MEOX1: variants seen among roughly 807,000 people sequenced by gnomAD.
MEOX1 encodes the protein homeobox protein MOX-1.
Under a neutral mutation model 23.2 loss-of-function variants are expected in MEOX1, and 17 were observed. The ratio of observed to expected loss-of-function variants is 0.73; its 90% CI spans 0.50 to 1.10. The LOEUF is 1.10. Among genes scored for constraint, MEOX1 ranks in the 50% least tolerant of loss-of-function variants. The probability of loss-of-function intolerance (pLI) is 0.00; values close to 1 mark genes in which losing one functional copy is unlikely to be tolerated. For synonymous variants in MEOX1, 134 were observed against 135.1 expected (o/e 0.99, Z 0.06); for missense variants, 333 against 332.2 (o/e 1.00, Z -0.02).
chr17:43,656,159 C>G, intron 1 of MEOX1, among the ~76,000 whole-genome samples: 1 of 152,114 alleles, frequency 6.6e-6, no homozygotes, highest in Non-Finnish European at 1.5e-5. Context: ...TTCTTTGATA[C>G]TATGTTATAT....
In MEOX1 at chr17:43,661,500, A is replaced by C; in HGVS notation, c.35T>G (p.Leu12Arg). Residue 12 changes from leucine to arginine, a missense_variant, in exon 1 of 3, where the codon CTC (leucine) becomes CGC (arginine). By Grantham distance (102) the Leu-to-Arg change is moderately radical. Transcript: ENST00000318579. ...DPAASSCMRS[L>R]QPPAPVWGCL... ...GCCCCAGACAGGGGCTGGGGGCTGG[A>C]GGCTCCTCATGCAGCTGCTGGCCGC... 2 of 1,594,340 alleles carry C rather than the reference A, an allele frequency of 1.3e-6. No individual in the cohort carries two copies. The highest frequency in any genetic ancestry group is 1.7e-6 in the Non-Finnish European group (2 of 1,171,390).
chr17:43,661,084 G>T lies in MEOX1; in HGVS notation c.451C>A (p.Arg151=), dbSNP rs375505737. Residue 151 remains arginine (R), a synonymous_variant, in exon 1 of 3, where the codon CGG becomes AGG. Coordinates refer to ENST00000318579, the MANE Select transcript of MEOX1 (RefSeq NM_004527.4). The stretch of plus-strand genomic sequence containing the variant: ...CACCTACCTGAACTCTCCTTTCTCC[G>T]CCTGGATGATTTCTTCTCTGTCTCA... ...ANETEKKSSR[R]RKESSDNQEN... The T allele has an allele frequency of 6.7e-7, 1 of 1,497,468 alleles. No individual in the cohort carries two copies. 92.8% of individuals were successfully genotyped at this position (1,497,468 alleles called of 1,614,324 possible). A position where few individuals can be genotyped will look rare whatever the true frequency, so the allele number is the denominator to read the frequency against.
rs1413497167 is a variant in MEOX1 at position 43,643,601 on chromosome 17, C to A, written c.529G>T (p.Ala177Ser). ...GSSKARKERT[A>S]FTKEQLRELE... ...TCTCGCAGCTGCTCCTTGGTGAAGG[C>A]CGTCCTCTCCTTGCGGGCTTTGCTG... The change falls in exon 2 of 3, where the codon GCC becomes TCC. Residue 177 changes from alanine to serine, a missense_variant. Coordinates refer to ENST00000318579, the MANE Select transcript of MEOX1 (RefSeq NM_004527.4). 1 of 1,613,394 alleles carries A rather than the reference C, an allele frequency of 6.2e-7. No homozygotes were observed. Among genetic ancestry groups the A allele is most frequent in the Non-Finnish European group, 8.5e-7 (1 of 1,179,850 alleles).
chr17:43,650,018 A>C (rs983797342), intron 1 of MEOX1, among the ~76,000 whole-genome samples: 1 of 152,216 alleles, frequency 6.6e-6, no homozygotes, highest in African/African-American at 2.4e-5. Context: ...AGACAGACCC[A>C]TCCCTGTCTG....
At chr17:43,643,338 C>T in intron 2 of MEOX1, 150 bp downstream of exon 2, 1 of 674,912 alleles carries the variant, frequency 1.5e-6, no homozygotes. Context: ...CCCAAAACTC[C>T]CCAGGCTATT....
intron 1 of MEOX1, among the ~76,000 whole-genome samples, chr17:43,650,317 G>A (rs1972891678): frequency 6.6e-6 from 1 of 152,152 alleles, no homozygotes; most frequent in Non-Finnish European, 1.5e-5. Context: ...GGCAAGTTAG[G>A]GGCAGAATTG....
intron 1 of MEOX1, among the ~76,000 whole-genome samples, chr17:43,655,888 T>C (rs2154588981): frequency 6.6e-6 from 1 of 152,266 alleles, no homozygotes; most frequent in Admixed American, 6.5e-5. Flanking sequence ...TTAATGGAGA[T>C]AGAGTTTCGG....
intron 1 of MEOX1, among the ~76,000 whole-genome samples, chr17:43,657,744 A>G (rs1367546329): frequency 3.3e-5 from 5 of 152,202 alleles, no homozygotes; most frequent in East Asian, 3.9e-4. Flanking sequence ...AATGATTGCC[A>G]GAAGTTCTCT....
At chr17:43,652,232 G>A (rs955830086) in intron 1 of MEOX1, among the ~76,000 whole-genome samples, 3 of 152,172 alleles carry the variant, frequency 2.0e-5, no homozygotes, top group African/African-American at 7.2e-5. Flanking sequence ...AAGAGGAGCT[G>A]CTGCAGCGGT....
At chr17:43,652,825 C>CTTATTT (rs1567746229) in intron 1 of MEOX1, among the ~76,000 whole-genome samples, 3 of 71,072 alleles carry the variant, frequency 4.2e-5, no homozygotes, top group Non-Finnish European at 7.7e-5. Flanking sequence ...TCTACTATTG[C>CTTATTT]TTTTTTTTTT....
chr17:43,657,030 C>CT (rs1555567832), intron 1 of MEOX1, among the ~76,000 whole-genome samples: 2 of 129,102 alleles, frequency 1.5e-5, no homozygotes, highest in East Asian at 2.1e-4. Context: ...TTCTTTCTTT[C>CT]TTTCTTTCTT....
In MEOX1 at chr17:43,660,968, C is replaced by G. The variant is rs75363531; in HGVS notation, c.469+98G>C. On this transcript the variant is annotated intron_variant, in intron 1 of 2. Transcript: ENST00000318579. ...GTCTCCTGCATTTGGATGGACTAGACAGAAATTCATGCTCAGAGCACCTAG... is the reference window on the plus strand; with the variant it reads ...GTCTCCTGCATTTGGATGGACTAGAGAGAAATTCATGCTCAGAGCACCTAG... 8.4e-5 allele frequency: 63 copies of G among 748,830 alleles called. No individual in the cohort carries two copies. The East Asian group carries it at 1.8e-3, about 22-fold the overall frequency. 46.4% of individuals were successfully genotyped at this position (748,830 alleles called of 1,614,324 possible). A position where few individuals can be genotyped will look rare whatever the true frequency, so the allele number is the denominator to read the frequency against.
chr17:43,646,155 G>T (rs1479958976), intron 1 of MEOX1, among the ~76,000 whole-genome samples: 1 of 152,162 alleles, frequency 6.6e-6, no homozygotes, highest in Admixed American at 6.5e-5. Flanking sequence ...CCTGGCGCGG[G>T]CTGCCTGCCC....
At chr17:43,653,297 G>A (rs1972953103) in intron 1 of MEOX1, among the ~76,000 whole-genome samples, 1 of 151,800 alleles carries the variant, frequency 6.6e-6, no homozygotes, top group African/African-American at 2.4e-5. Context: ...GAGCCAACAC[G>A]CCCAGCTAAT....
intron 1 of MEOX1, among the ~76,000 whole-genome samples, chr17:43,655,028 G>A (rs1193069113): frequency 6.6e-6 from 1 of 151,264 alleles, no homozygotes; most frequent in African/African-American, 2.4e-5. Flanking sequence ...CTCTAGCCTG[G>A]GTGACAGAGT....
intron 1 of MEOX1, among the ~76,000 whole-genome samples, chr17:43,645,215 C>A (rs1175341900): frequency 1.5e-5 from 2 of 134,556 alleles, no homozygotes; most frequent in Admixed American, 8.5e-5. Context: ...CTCGCTCTGT[C>A]GCCAAGGCTA....
chr17:43,655,683 AAAAG>A (rs1482587404), intron 1 of MEOX1, among the ~76,000 whole-genome samples: 6 of 151,174 alleles, frequency 4.0e-5, no homozygotes, highest in African/African-American at 1.2e-4. Flanking sequence ...AAAAAAAAAA[AAAAG>A]AAGAAAATCC....
chr17:43,652,027 C>T (rs992177605), intron 1 of MEOX1, among the ~76,000 whole-genome samples: 3 of 152,136 alleles, frequency 2.0e-5, no homozygotes, highest in Admixed American at 6.5e-5. Flanking sequence ...AGATGGTGGC[C>T]GAGGCCTGGG....
At chr17:43,660,421 T>G (rs1241926744) in intron 1 of MEOX1, among the ~76,000 whole-genome samples, 4 of 152,046 alleles carry the variant, frequency 2.6e-5, no homozygotes, top group Non-Finnish European at 5.9e-5. Flanking sequence ...GCATGCTGAG[T>G]TGTCTGTCCC....
Sources: allele counts gnomAD v4.1 joint callset (sites outside exome capture counted in the v4.1 genomes callset), GRCh38; gene constraint gnomAD v4.1.1; transcripts MANE v1.5; gene names NCBI Gene and HGNC (gene_info 2026-07-23, HGNC 2026-07-21).